ZSWIM6: variants seen among roughly 807,000 people sequenced by gnomAD.
ZSWIM6 encodes the protein zinc finger SWIM domain-containing protein 6.
ZSWIM6 carries 9 observed loss-of-function variants against 113.2 expected under a neutral mutation model. That is an observed-to-expected ratio of 0.08 (90% confidence interval 0.05 to 0.14). The LOEUF (loss-of-function observed/expected upper bound fraction) is 0.14, where lower values mean the gene tolerates loss of function less well. Ranked by LOEUF, ZSWIM6 falls within the 10% of genes least tolerant of loss-of-function variation. The pLI is 1.00. For missense variants in ZSWIM6, 1,162 were observed against 1,552.2 expected (o/e 0.75, Z 4.22); for synonymous variants, 611 against 606.5 (o/e 1.01, Z -0.11).
intron 1 of ZSWIM6, among the ~76,000 whole-genome samples, chr5:61,439,703 T>C (rs11743711): frequency 0.38 from 57,348 of 152,002 alleles, 10,950 homozygotes; most frequent in South Asian, 0.43. Context: ...TGTTCTTGAT[T>C]ATTTGTCTTG....
At chr5:61,389,366 C>T (rs1745653768) in intron 1 of ZSWIM6, among the ~76,000 whole-genome samples, 2 of 151,364 alleles carry the variant, frequency 1.3e-5, no homozygotes, top group Non-Finnish European at 2.9e-5. Context: ...CCATCCTGGC[C>T]AACATGGTGA....
chr5:61,381,160 G>A (rs1240976131), intron 1 of ZSWIM6, among the ~76,000 whole-genome samples: 2 of 152,198 alleles, frequency 1.3e-5, no homozygotes, highest in Admixed American at 6.5e-5. Flanking sequence ...GGCTGAGGCA[G>A]GAGAATCACT....
At chr5:61,367,760 T>C (rs1745189130) in intron 1 of ZSWIM6, among the ~76,000 whole-genome samples, 1 of 152,062 alleles carries the variant, frequency 6.6e-6, no homozygotes, top group African/African-American at 2.4e-5. Flanking sequence ...AGATCCCAGT[T>C]TTCTTACCTT....
intron 4 of ZSWIM6, among the ~76,000 whole-genome samples, chr5:61,515,884 A>G (rs1748921536): frequency 2.0e-5 from 3 of 151,754 alleles, no homozygotes; most frequent in Non-Finnish European, 1.5e-5. Context: ...TTTTTGGAAA[A>G]CTGTCCGTTT....
At chr5:61,471,671 A>G (rs1016106844) in intron 1 of ZSWIM6, among the ~76,000 whole-genome samples, 1 of 152,220 alleles carries the variant, frequency 6.6e-6, no homozygotes, top group South Asian at 2.1e-4. Flanking sequence ...GGAATTGTGC[A>G]TGTGAGGGAT....
At chr5:61,356,818 T>TA (rs1031947990) in intron 1 of ZSWIM6, among the ~76,000 whole-genome samples, 1 of 142,876 alleles carries the variant, frequency 7.0e-6, no homozygotes, top group Admixed American at 7.2e-5. Context: ...AATTGATAAA[T>TA]AAAAAATATA....
intron 1 of ZSWIM6, among the ~76,000 whole-genome samples, chr5:61,339,455 C>T (rs1744486073): frequency 6.6e-6 from 1 of 152,104 alleles, no homozygotes; most frequent in Admixed American, 6.6e-5. Flanking sequence ...TTTCCACATG[C>T]TTTATATTTT....
intron 1 of ZSWIM6, among the ~76,000 whole-genome samples, chr5:61,416,237 C>CG (rs1746250222): frequency 6.6e-6 from 1 of 152,224 alleles, no homozygotes; most frequent in Non-Finnish European, 1.5e-5. Flanking sequence ...CTGCTGATAA[C>CG]TCACCAAGGC....
At chr5:61,379,099 C>T (rs759873936) in intron 1 of ZSWIM6, among the ~76,000 whole-genome samples, 13 of 146,598 alleles carry the variant, frequency 8.9e-5, no homozygotes, top group East Asian at 2.0e-4. Context: ...GAGGATTGCC[C>T]GAACCCAGGA....
chr5:61,345,905 A>G (rs1744648825), intron 1 of ZSWIM6, among the ~76,000 whole-genome samples: 2 of 152,228 alleles, frequency 1.3e-5, no homozygotes, highest in South Asian at 2.1e-4. Context: ...TGCTTGGTCT[A>G]GTATACAACA....
At position 61,332,671 on chromosome 5, in the gene ZSWIM6, C is replaced by T. The variant is rs1193439288; in HGVS notation, c.399C>T (p.Ala133=). Reference sequence around the variant, plus strand: ...CGTCCTTCAACACCGGCGGCGGCGCCGCGGGCGGCCCCGGCGACGACAGCG... The same window carrying T: ...CGTCCTTCAACACCGGCGGCGGCGCTGCGGGCGGCCCCGGCGACGACAGCG... ...MYSSFNTGGG[A]AGGPGDDSGG... is the part of the protein sequence containing the mutation. The change falls in exon 1 of 14, where the codon GCC becomes GCT. Residue 133 remains alanine (A), a synonymous_variant. Coordinates refer to ENST00000252744, the MANE Select transcript of ZSWIM6 (RefSeq NM_020928.2). 2.7e-6 allele frequency: 3 copies of T among 1,108,626 alleles called. No homozygotes were observed. The highest frequency in any genetic ancestry group is 6.7e-5 in the Admixed American group (2 of 29,802). 68.7% of individuals were successfully genotyped at this position (1,108,626 alleles called of 1,614,324 possible).
At chr5:61,353,656 T>C (rs1189499154) in intron 1 of ZSWIM6, among the ~76,000 whole-genome samples, 2 of 152,374 alleles carry the variant, frequency 1.3e-5, no homozygotes, top group African/African-American at 2.4e-5. Context: ...CCATTCACGA[T>C]ATAGTACCTT....
chr5:61,335,774 G>C (rs1279186982), intron 1 of ZSWIM6, among the ~76,000 whole-genome samples: 4 of 152,170 alleles, frequency 2.6e-5, no homozygotes, highest in African/African-American at 9.7e-5. Context: ...ATAGTTTAAG[G>C]ATTGAGGGGT....
intron 1 of ZSWIM6, among the ~76,000 whole-genome samples, chr5:61,367,700 C>G (rs557480246): frequency 2.0e-3 from 308 of 152,274 alleles, no homozygotes; most frequent in Middle Eastern, 3.4e-3. Flanking sequence ...TACAAGAGAA[C>G]AGGTAGATCA....
chr5:61,462,080 T>C (rs1337523727), intron 1 of ZSWIM6, among the ~76,000 whole-genome samples: 1 of 152,232 alleles, frequency 6.6e-6, no homozygotes, highest in East Asian at 1.9e-4. Flanking sequence ...CAGGAGCTAG[T>C]GTTCCTTGAG....
At chr5:61,461,658 A>C (rs1332361554) in intron 1 of ZSWIM6, among the ~76,000 whole-genome samples, 2 of 152,190 alleles carry the variant, frequency 1.3e-5, no homozygotes, top group Non-Finnish European at 2.9e-5. Context: ...GGTTATTACC[A>C]GGCTCTCAGA....
At position 61,332,326 on chromosome 5, in the gene ZSWIM6, G is replaced by GGGCGGC. The variant is rs565100893; in HGVS notation, c.69_74dup (p.Gly25_Gly26dup). 635 of 1,117,528 alleles carry GGGCGGC rather than the reference G, an allele frequency of 5.7e-4. No individual in the cohort carries two copies. Among genetic ancestry groups the GGGCGGC allele is most frequent in the African/African-American group, 1.6e-3 (96 of 60,764 alleles). 69.2% of individuals were successfully genotyped at this position (1,117,528 alleles called of 1,614,324 possible). ...CCGCGAAACGGCTTTGCTGCCGGCCGGGCGGCGGCGGCGGCGGCGGGGGCA... is the reference window on the plus strand; with the variant it reads ...CCGCGAAACGGCTTTGCTGCCGGCCGGGCGGCGGCGGCGGCGGCGGCGGCGGGGGCA... On this transcript the variant is annotated inframe_insertion, in exon 1 of 14. Transcript: ENST00000252744.
intron 4 of ZSWIM6, among the ~76,000 whole-genome samples, chr5:61,499,933 A>C (rs1232370727): frequency 6.6e-6 from 1 of 152,148 alleles, no homozygotes; most frequent in Non-Finnish European, 1.5e-5. Flanking sequence ...TCCCTGAAAC[A>C]ATCCTGTGAA....
chr5:61,339,233 C>T (rs1347194041), intron 1 of ZSWIM6, among the ~76,000 whole-genome samples: 1 of 152,056 alleles, frequency 6.6e-6, no homozygotes, highest in Non-Finnish European at 1.5e-5. Context: ...ATGGTGAAAC[C>T]CTATCTCTAC....
Sources: allele counts gnomAD v4.1 joint callset (sites outside exome capture counted in the v4.1 genomes callset), GRCh38; gene constraint gnomAD v4.1.1; transcripts MANE v1.5; gene names NCBI Gene and HGNC (gene_info 2026-07-23, HGNC 2026-07-21).